The following CTNNA3 variants were observed in gnomAD, a reference collection of about 807,000 sequenced individuals.
The protein encoded by CTNNA3 is catenin alpha-3.
CTNNA3 carries 76 observed loss-of-function variants against 95.7 expected under a neutral mutation model. The observed-to-expected ratio is 0.79, with a 90% CI of 0.66 to 0.96. The LOEUF is 0.96. Ranked by LOEUF, CTNNA3 falls within the 40% of genes least tolerant of loss-of-function variation. The pLI, the probability that CTNNA3 is intolerant of heterozygous loss-of-function variation, is 0.00. For synonymous variants in CTNNA3, 431 were observed against 374.4 expected (o/e 1.15, Z -1.74); for missense variants, 1,191 against 1,089.8 (o/e 1.09, Z -1.31).
At chr10:67,474,602 CA>C (rs1004751115) in intron 5 of CTNNA3, among the ~76,000 whole-genome samples, 1 of 151,906 alleles carries the variant, frequency 6.6e-6, no homozygotes, top group Admixed American at 6.6e-5. Flanking sequence ...TAAAAAAAGG[CA>C]AAAGACTTTA....
At chr10:66,133,720 G>A (rs2083229916) in intron 13 of CTNNA3, among the ~76,000 whole-genome samples, 1 of 151,962 alleles carries the variant, frequency 6.6e-6, no homozygotes, top group Non-Finnish European at 1.5e-5. Context: ...AGAAAGTCTA[G>A]AAATAAATCT....
At chr10:67,042,765 T>A (rs1268388508) in intron 7 of CTNNA3, among the ~76,000 whole-genome samples, 1 of 152,118 alleles carries the variant, frequency 6.6e-6, no homozygotes, top group African/African-American at 2.4e-5. Flanking sequence ...AAATGTTTGC[T>A]GGATTCAGAA....
At chr10:66,429,229 C>T (rs1310279187) in intron 11 of CTNNA3, among the ~76,000 whole-genome samples, 2 of 152,082 alleles carry the variant, frequency 1.3e-5, no homozygotes, top group African/African-American at 4.8e-5. Context: ...CTGAATACAC[C>T]AATAACAGAC....
intron 17 of CTNNA3, among the ~76,000 whole-genome samples, chr10:65,941,386 A>G (rs1483322514): frequency 6.6e-6 from 1 of 152,126 alleles, no homozygotes; most frequent in Non-Finnish European, 1.5e-5. Context: ...TTATTTTACT[A>G]CTCACTGCTG....
At chr10:66,689,303 T>C (rs563617067) in intron 9 of CTNNA3, among the ~76,000 whole-genome samples, 1 of 152,332 alleles carries the variant, frequency 6.6e-6, no homozygotes, top group East Asian at 1.9e-4. Flanking sequence ...TTTCAACAAA[T>C]GGCCTAGGTC....
intron 9 of CTNNA3, among the ~76,000 whole-genome samples, chr10:66,698,918 A>G (rs1847853626): frequency 6.6e-6 from 1 of 152,220 alleles, no homozygotes; most frequent in Non-Finnish European, 1.5e-5. Flanking sequence ...AAGTATTATT[A>G]TTCTACCGGA....
intron 10 of CTNNA3, among the ~76,000 whole-genome samples, chr10:66,611,043 A>C (rs1739267992): frequency 6.6e-6 from 1 of 152,138 alleles, no homozygotes; most frequent in Admixed American, 6.5e-5. Flanking sequence ...TAAGTAAAAT[A>C]AGCTAGGCAC....
At chr10:66,666,998 A>C (rs1442523841) in intron 9 of CTNNA3, among the ~76,000 whole-genome samples, 1 of 152,172 alleles carries the variant, frequency 6.6e-6, no homozygotes, top group Non-Finnish European at 1.5e-5. Context: ...ATATAGCCTA[A>C]GATCACACTA....
chr10:67,616,142 A>T (rs1843649277), intron 2 of CTNNA3, among the ~76,000 whole-genome samples: 1 of 152,190 alleles, frequency 6.6e-6, no homozygotes, highest in Non-Finnish European at 1.5e-5. Context: ...TCCCAAACAG[A>T]AGAAACAGGC....
intron 14 of CTNNA3, among the ~76,000 whole-genome samples, chr10:66,073,543 A>G (rs1285806415): frequency 6.6e-6 from 1 of 152,164 alleles, no homozygotes; most frequent in Admixed American, 6.6e-5. Context: ...CATGTTTCTC[A>G]GTGATACTTC....
chr10:66,915,852 G>A (rs531637635), intron 7 of CTNNA3, among the ~76,000 whole-genome samples: 2 of 151,234 alleles, frequency 1.3e-5, no homozygotes, highest in South Asian at 2.1e-4. Context: ...GAGTTCAAGC[G>A]ATTCTCCTGC....
chr10:65,936,822 A>C (rs1027044355), intron 17 of CTNNA3, among the ~76,000 whole-genome samples: 2 of 152,064 alleles, frequency 1.3e-5, no homozygotes, highest in Non-Finnish European at 2.9e-5. Flanking sequence ...AATCATATCT[A>C]CCTAATGAAG....
intron 15 of CTNNA3, among the ~76,000 whole-genome samples, chr10:66,059,788 T>C (rs2080158890): frequency 6.6e-6 from 1 of 152,194 alleles, no homozygotes; most frequent in South Asian, 2.1e-4. Context: ...ATTTTTCAAG[T>C]AAAAACACAT....
At chr10:67,722,361 T>C (rs1841184264) in intron 1 of CTNNA3, among the ~76,000 whole-genome samples, 2 of 152,170 alleles carry the variant, frequency 1.3e-5, no homozygotes, top group South Asian at 4.1e-4. Context: ...CCTTTTTCTA[T>C]AGAAGGTGAG....
At chr10:66,084,135 C>CAAAAAAAAAAAAAAAAAA (rs200266418) in intron 14 of CTNNA3, among the ~76,000 whole-genome samples, 1 of 80,102 alleles carries the variant, frequency 1.2e-5, no homozygotes, top group Non-Finnish European at 2.6e-5. Context: ...AACTTCATCT[C>CAAAAAAAAAAAAAAAAAA]AAAAAAAAAA....
intron 5 of CTNNA3, among the ~76,000 whole-genome samples, chr10:67,249,336 T>A (rs1408904153): frequency 6.6e-6 from 1 of 152,174 alleles, no homozygotes; most frequent in Admixed American, 6.5e-5. Context: ...GGGTGTTGGT[T>A]CCAGGACCCT....
At chr10:66,682,177 T>C (rs1038389949) in intron 9 of CTNNA3, among the ~76,000 whole-genome samples, 4 of 152,170 alleles carry the variant, frequency 2.6e-5, no homozygotes, top group Admixed American at 2.6e-4. Context: ...ACTTGTGATA[T>C]AAGACTTCGT....
At chr10:66,934,970 T>C (rs1564778012) in intron 7 of CTNNA3, among the ~76,000 whole-genome samples, 1 of 152,116 alleles carries the variant, frequency 6.6e-6, no homozygotes. Context: ...GAAAATGTCA[T>C]CAGACAGTGA....
At position 66,965,222 on chromosome 10, in the gene CTNNA3, T is replaced by G. The variant is rs549916107; in HGVS notation, c.1048-189698A>C. On this transcript the variant is annotated intron_variant, in intron 7 of 17. Coordinates refer to ENST00000433211, the MANE Select transcript of CTNNA3 (RefSeq NM_013266.4). ...TCCAGGTTGTGTTTAAAAAGCTGGG[T>G]TTTTTTGGGGTTTTTTTGTTTGTTT... 4.0e-5 allele frequency among the ~76,000 whole-genome samples: 6 copies of G among 151,174 alleles called. No individual in the cohort carries two copies. The South Asian group carries it at 1.0e-3, about 26-fold the overall frequency.
Sources: allele counts gnomAD v4.1 joint callset (sites outside exome capture counted in the v4.1 genomes callset), GRCh38; gene constraint gnomAD v4.1.1; transcripts MANE v1.5; gene names NCBI Gene and HGNC (gene_info 2026-07-23, HGNC 2026-07-21).